The following RNF123 variants were observed in gnomAD, a reference collection of about 807,000 sequenced individuals.
RNF123 encodes the protein E3 ubiquitin-protein ligase RNF123.
Under a neutral mutation model 168.5 loss-of-function variants are expected in RNF123, and 86 were observed. The ratio of observed to expected loss-of-function variants is 0.51; its 90% CI spans 0.43 to 0.61. RNF123 has a LOEUF of 0.61. Ranked by LOEUF, RNF123 falls within the 20% of genes least tolerant of loss-of-function variation. RNF123 has a pLI of 0.00. For synonymous variants in RNF123, 666 were observed against 689.1 expected (o/e 0.97, Z 0.52); for missense variants, 1,419 against 1,729.7 (o/e 0.82, Z 3.19).
intron 26 of RNF123, among the ~76,000 whole-genome samples, chr3:49,708,694 T>C (rs2080081497): frequency 6.6e-6 from 1 of 152,258 alleles, no homozygotes; most frequent in Non-Finnish European, 1.5e-5. Context: ...CATAATGTCC[T>C]CAAGGTTCAT....
At chr3:49,710,543 G>C (rs763100515) in intron 26 of RNF123, among the ~76,000 whole-genome samples, 36 of 152,224 alleles carry the variant, frequency 2.4e-4, no homozygotes, top group Admixed American at 5.2e-4. Context: ...GCCTCCCAAA[G>C]TGCTGGGATT....
intron 20 of RNF123, 80 bp from the exon 21 acceptor site, chr3:49,703,347 C>A: frequency 1.7e-6 from 2 of 1,173,696 alleles, no homozygotes; most frequent in Non-Finnish European, 2.5e-6. Flanking sequence ...CTGTGCTAGG[C>A]CAGATTGGAG....
At chr3:49,716,692 G>C in intron 35 of RNF123, 2 of 518,436 alleles carry the variant, frequency 3.9e-6, no homozygotes, top group South Asian at 4.4e-5. Context: ...AGCAGGACAG[G>C]TGGCCCTGGC....
At position 49,715,640 on chromosome 3, in the gene RNF123, G is replaced by T; in HGVS notation, c.3076G>T (p.Ala1026Ser). Residue 1026 changes from alanine to serine, a missense_variant, in exon 32 of 39, where the codon GCA (alanine) becomes TCA (serine). By Grantham distance (99) the Ala-to-Ser change is moderately conservative. This residue lies in a region of RNF123 where 538 missense variants were observed against 708.8 expected (regional missense o/e 0.76). Transcript: ENST00000327697. ...CCTCCTACAGCAGGGTCCTGATGTG[G>T]CACCCAGCTTCCTCAACAGCGTCCT... ...ADLLQQGPDVAPSFLNSVLNQ... is the reference protein window; with the variant it reads ...ADLLQQGPDVSPSFLNSVLNQ... The T allele has an allele frequency of 6.2e-7, 1 of 1,614,192 alleles. No individual in the cohort carries two copies. The highest frequency in any genetic ancestry group is 8.5e-7 in the Non-Finnish European group (1 of 1,180,036).
intron 1 of RNF123, among the ~76,000 whole-genome samples, chr3:49,690,096 G>A (rs1438970252): frequency 6.6e-6 from 1 of 152,210 alleles, no homozygotes; most frequent in Non-Finnish European, 1.5e-5. Flanking sequence ...CAGGCGTGGT[G>A]CAGACCCACA....
In RNF123 at chr3:49,714,010, C is replaced by T. The variant is rs371025305; in HGVS notation, c.2925+13C>T. On this transcript the variant is annotated intron_variant, in intron 30 of 38. Transcript: ENST00000327697. Reference sequence around the variant, plus strand: ...GCGGCTCTGGAGGGTAAGCCTGACTCGAGGGGAAGTGGCTGAGGCTGGCTG... The same window carrying T: ...GCGGCTCTGGAGGGTAAGCCTGACTTGAGGGGAAGTGGCTGAGGCTGGCTG... 27 of 1,613,878 alleles carry T rather than the reference C, an allele frequency of 1.7e-5. No individual in the cohort carries two copies. The highest frequency in any genetic ancestry group is 2.2e-5 in the East Asian group (1 of 44,884).
intron 9 of RNF123, 23 bp from the exon 10 acceptor site, chr3:49,698,957 C>T (rs573783454): frequency 4.3e-6 from 7 of 1,613,030 alleles, no homozygotes; most frequent in African/African-American, 1.3e-5. Context: ...AGCACTGGCT[C>T]ACAGACCCAC....
rs771845972 is a variant in RNF123 at position 49,713,497 on chromosome 3, C to T, written c.2675-16C>T. 7.5e-6 allele frequency: 12 copies of T among 1,599,974 alleles called. No homozygotes were observed. In the South Asian group the frequency reaches 1.1e-4, roughly 15 times the overall value. On this transcript the variant is annotated splice_polypyrimidine_tract_variant and intron_variant, in intron 27 of 38. Coordinates refer to ENST00000327697, the MANE Select transcript of RNF123 (RefSeq NM_022064.5). ...CCCCACTCCCAGCCGACACGTCTCA[C>T]TTCCCACCCTTGCAGGCTATGAAGA...
intron 35 of RNF123, chr3:49,719,088 G>C: frequency 2.5e-6 from 4 of 1,613,638 alleles, no homozygotes; most frequent in Middle Eastern, 1.6e-4. Context: ...CGAGGTCGTG[G>C]CGGCCAAGCG....
At chr3:49,690,041 C>T (rs1348743156) in intron 1 of RNF123, among the ~76,000 whole-genome samples, 1 of 152,048 alleles carries the variant, frequency 6.6e-6, no homozygotes, top group African/African-American at 2.4e-5. Context: ...CGATCATGGA[C>T]GCCCACCGAG....
chr3:49,695,043 G>T (rs1189048342), intron 3 of RNF123, among the ~76,000 whole-genome samples: 2 of 152,258 alleles, frequency 1.3e-5, no homozygotes, highest in Non-Finnish European at 2.9e-5. Flanking sequence ...ACTGCCCACA[G>T]ATATGTGCAG....
chr3:49,705,793 G>T, intron 24 of RNF123, 114 bp downstream of exon 24: 1 of 1,531,236 alleles, frequency 6.5e-7, no homozygotes, highest in Non-Finnish European at 8.9e-7. Context: ...CCGTGCATGG[G>T]AGCACATGCC....
intron 27 of RNF123, chr3:49,712,896 G>C (rs1413020670): frequency 2.8e-6 from 2 of 704,148 alleles, no homozygotes; most frequent in Non-Finnish European, 5.2e-6. Flanking sequence ...GAACACGGTG[G>C]GTGTAGACCT....
At chr3:49,701,694 CT>C in intron 16 of RNF123, 86 bp downstream of exon 16, 1 of 1,471,648 alleles carries the variant, frequency 6.8e-7, no homozygotes, top group Non-Finnish European at 9.5e-7. Flanking sequence ...AGCATGAGGC[CT>C]TTTCACTGGC....
Position 49,720,660 on chromosome 3 carries a change from G to A in RNF123, c.3643+7G>A, listed in dbSNP as rs1315108639. On this transcript the variant is annotated splice_region_variant and intron_variant, in intron 36 of 38. Coordinates refer to ENST00000327697, the MANE Select transcript of RNF123 (RefSeq NM_022064.5). ...CGCTTCTCCCTGCAGAGCTGTGAGT[G>A]GGCTGGTGGGGCAGGTCAGGGAAAT... 2.5e-6 allele frequency: 4 copies of A among 1,595,960 alleles called. No homozygotes were observed. Among genetic ancestry groups the A allele is most frequent in the South Asian group, 2.2e-5 (2 of 89,672 alleles).
rs755195937 is a variant in RNF123, at chr3:49,703,487, G to A, written c.1811G>A (p.Arg604His). 28 of 1,613,880 alleles carry A rather than the reference G, an allele frequency of 1.7e-5. No individual in the cohort carries two copies. Among genetic ancestry groups the A allele is most frequent in the East Asian group, 2.2e-5 (1 of 44,876 alleles). Reference sequence around the variant, plus strand: ...AAGGTGGACTACTTTGACCTGCAGCGCCTGGGGGGCCTCCTCTCGCACCTG... The same window carrying A: ...AAGGTGGACTACTTTGACCTGCAGCACCTGGGGGGCCTCCTCTCGCACCTG... Reference protein sequence around the residue: ...NGKVDYFDLQRLGGLLSHLRK... With the variant: ...NGKVDYFDLQHLGGLLSHLRK... The change falls in exon 21 of 39, where the codon CGC (arginine) becomes CAC (histidine). Residue 604 changes from arginine (R) to histidine (H), a missense_variant. Arg to His is a conservative substitution (Grantham distance 29). Coordinates refer to ENST00000327697, the MANE Select transcript of RNF123 (RefSeq NM_022064.5).
intron 28 of RNF123, 30 bp downstream of exon 28, chr3:49,713,617 GA>G (rs755047176): frequency 4.1e-5 from 65 of 1,603,714 alleles, no homozygotes; most frequent in Non-Finnish European, 5.4e-5. Context: ...GGTACAGGGG[GA>G]GGGGGATGGG....
At chr3:49,700,071 C>T in intron 12 of RNF123, 156 bp from the exon 13 acceptor site, 3 of 1,078,302 alleles carry the variant, frequency 2.8e-6, no homozygotes, top group African/African-American at 3.2e-5. Flanking sequence ...CTTCTTGTCC[C>T]TCAGTCAGAC....
intron 31 of RNF123, among the ~76,000 whole-genome samples, chr3:49,715,068 C>T (rs1185864540): frequency 3.9e-5 from 6 of 152,244 alleles, no homozygotes; most frequent in East Asian, 1.9e-4. Context: ...CTGAGGGCTC[C>T]GGTTACTGCT....
Sources: allele counts gnomAD v4.1 joint callset (sites outside exome capture counted in the v4.1 genomes callset), GRCh38; gene constraint gnomAD v4.1.1; regional missense constraint gnomAD v4.1.1; transcripts MANE v1.5; gene names NCBI Gene and HGNC (gene_info 2026-07-23, HGNC 2026-07-21).